The following TCF7L2 variants were observed in gnomAD, a reference collection of about 807,000 sequenced individuals.
The protein encoded by TCF7L2 is transcription factor 7-like 2.
Under a neutral mutation model 77.9 loss-of-function variants are expected in TCF7L2, and 23 were observed. The ratio of observed to expected loss-of-function variants is 0.30; its 90% CI spans 0.21 to 0.42. TCF7L2 has a LOEUF of 0.42. Ranked by LOEUF, TCF7L2 falls within the 10% of genes least tolerant of loss-of-function variation. The probability of loss-of-function intolerance (pLI) is 1.00; values close to 1 mark genes in which losing one functional copy is unlikely to be tolerated. For missense variants in TCF7L2, 654 were observed against 793.1 expected (o/e 0.82, Z 2.11); for synonymous variants, 413 against 340.2 (o/e 1.21, Z -2.36).
chr10:113,003,182 T>C (rs1195289141), intron 4 of TCF7L2, among the ~76,000 whole-genome samples: 2 of 152,202 alleles, frequency 1.3e-5, no homozygotes, highest in Non-Finnish European at 2.9e-5. Context: ...GTCGGCCTTC[T>C]CCAATAAGGG....
At chr10:113,112,430 G>C (rs777624588) in intron 5 of TCF7L2, among the ~76,000 whole-genome samples, 3 of 152,194 alleles carry the variant, frequency 2.0e-5, no homozygotes, top group African/African-American at 4.8e-5. Context: ...ATCACCACCC[G>C]GCTAGCGACT....
intron 5 of TCF7L2, among the ~76,000 whole-genome samples, chr10:113,071,292 G>A (rs919080827): frequency 6.6e-6 from 1 of 152,176 alleles, no homozygotes; most frequent in Non-Finnish European, 1.5e-5. Context: ...TTCAGATGGA[G>A]TGCTTCCTCC....
intron 5 of TCF7L2, chr10:113,126,692 T>C: frequency 1.0e-6 from 1 of 985,492 alleles, no homozygotes; most frequent in Non-Finnish European, 1.2e-6. Context: ...GTGAGCATCT[T>C]GTCTGGCGGC....
rs547073815 is a variant in TCF7L2 at position 113,071,017 on chromosome 10, C to T, written c.552+30891C>T. Among the ~76,000 whole-genome samples the T allele has an allele frequency of 3.9e-4, 59 of 152,268 alleles. No individual in the cohort carries two copies. The Middle Eastern group carries it at 0.01, about 26-fold the overall frequency. ...ATGGATTTGCCTATTCTGGACATTTCATATAGATGAAATCATAGGCCCGTG... is the reference window on the plus strand; with the variant it reads ...ATGGATTTGCCTATTCTGGACATTTTATATAGATGAAATCATAGGCCCGTG... On this transcript the variant is annotated intron_variant, in intron 5 of 13. Coordinates refer to ENST00000627217, the MANE Select transcript of TCF7L2 (RefSeq NM_001146274.2).
intron 5 of TCF7L2, among the ~76,000 whole-genome samples, chr10:113,134,110 A>G (rs1182713950): frequency 6.6e-6 from 1 of 152,250 alleles, no homozygotes; most frequent in Admixed American, 6.5e-5. Context: ...AGTCTTGTCC[A>G]GGGAAACAAT....
chr10:113,142,575 G>T (rs191883783), intron 6 of TCF7L2, among the ~76,000 whole-genome samples: 41 of 152,304 alleles, frequency 2.7e-4, no homozygotes, highest in African/African-American at 9.6e-4. Flanking sequence ...TAGTGTTGGG[G>T]TAGGTAGGCT....
intron 4 of TCF7L2, among the ~76,000 whole-genome samples, chr10:113,005,991 A>G (rs1218525070): frequency 6.6e-6 from 1 of 151,790 alleles, no homozygotes; most frequent in Non-Finnish European, 1.5e-5. Context: ...GAACATTCCA[A>G]TAGGAATGTT....
chr10:113,016,781 A>G (rs2047406679), intron 4 of TCF7L2, among the ~76,000 whole-genome samples: 1 of 151,864 alleles, frequency 6.6e-6, no homozygotes, highest in Non-Finnish European at 1.5e-5. Flanking sequence ...CCTTAGTAGC[A>G]TGATGGGCAC....
chr10:113,014,257 C>T (rs1208621661), intron 4 of TCF7L2, among the ~76,000 whole-genome samples: 1 of 152,202 alleles, frequency 6.6e-6, no homozygotes, highest in African/African-American at 2.4e-5. Context: ...GACCCAGTAA[C>T]TATAAAGCCC....
At chr10:113,117,404 TC>T (rs1591911665) in intron 5 of TCF7L2, among the ~76,000 whole-genome samples, 3 of 50,570 alleles carry the variant, frequency 5.9e-5, no homozygotes, top group East Asian at 4.0e-4. Flanking sequence ...TCTCTCTCTC[TC>T]TCTCTCTCTC....
At chr10:113,097,287 G>C (rs1215301779) in intron 5 of TCF7L2, among the ~76,000 whole-genome samples, 2 of 152,234 alleles carry the variant, frequency 1.3e-5, no homozygotes, top group East Asian at 3.9e-4. Context: ...ACCAACCAGG[G>C]GGAAGTCCTG....
chr10:112,988,019 A>G (rs1257889463), intron 4 of TCF7L2, among the ~76,000 whole-genome samples: 4 of 147,536 alleles, frequency 2.7e-5, no homozygotes, highest in Non-Finnish European at 1.5e-5. Context: ...ATACAGCAAC[A>G]TATCCCTGCC....
chr10:113,133,904 G>A (rs893868834), intron 5 of TCF7L2, among the ~76,000 whole-genome samples: 1 of 152,206 alleles, frequency 6.6e-6, no homozygotes, highest in East Asian at 1.9e-4. Context: ...GCCTGCGGGG[G>A]TAGGTTCTGC....
At chr10:112,952,011 CCTCT>C (rs138659283) in intron 3 of TCF7L2, 14 of 152,564 alleles carry the variant, frequency 9.2e-5, no homozygotes, top group African/African-American at 3.4e-4. Flanking sequence ...GCTCTCTCTC[CCTCT>C]CTCTCCTTCT....
At chr10:113,111,283 A>T (rs955845544) in intron 5 of TCF7L2, among the ~76,000 whole-genome samples, 8 of 152,194 alleles carry the variant, frequency 5.3e-5, no homozygotes, top group African/African-American at 1.7e-4. Context: ...CCCTCTCTAG[A>T]TTATTAATTC....
chr10:112,972,004 T>C (rs891731364), intron 4 of TCF7L2, among the ~76,000 whole-genome samples: 2 of 151,980 alleles, frequency 1.3e-5, no homozygotes, highest in African/African-American at 2.4e-5. Flanking sequence ...CACTGCAACC[T>C]CTGCCTCCTG....
At chr10:113,115,347 A>C (rs1475298928) in intron 5 of TCF7L2, among the ~76,000 whole-genome samples, 2 of 152,232 alleles carry the variant, frequency 1.3e-5, no homozygotes, top group Non-Finnish European at 2.9e-5. Flanking sequence ...TACCAAATAT[A>C]CATTTTGAAA....
chr10:112,995,230 G>A (rs1307202488), intron 4 of TCF7L2, among the ~76,000 whole-genome samples: 1 of 152,250 alleles, frequency 6.6e-6, no homozygotes, highest in Admixed American at 6.5e-5. Context: ...ACTTTGGGAT[G>A]ATTGACTTGG....
At position 113,151,733 on chromosome 10, in the gene TCF7L2, A is replaced by G. The variant is rs2137151745; in HGVS notation, c.1010A>G (p.Gln337Arg). The change falls in exon 10 of 14, where the codon CAG becomes CGG. Residue 337 changes from glutamine (Q) to arginine (R), a missense_variant. By Grantham distance (43) the Gln-to-Arg change is conservative. This residue lies in a region of TCF7L2 where 179 missense variants were observed against 270.6 expected (regional missense o/e 0.66). Transcript: ENST00000627217. This position sits in a 1 kb window ranked among gnomAD's most constrained non-coding sequence, Gnocchi z 5.2. Reference sequence around the variant, plus strand: ...GTTTTGTCTATCTCCAGAAAGCATCAGGACTCCAAAAAGGAAGAAGAAAAG... The same window carrying G: ...GTTTTGTCTATCTCCAGAAAGCATCGGGACTCCAAAAAGGAAGAAGAAAAG... The G allele has an allele frequency of 6.3e-7, 1 of 1,597,382 alleles. No individual in the cohort carries two copies. Among genetic ancestry groups the G allele is most frequent in the Non-Finnish European group, 8.5e-7 (1 of 1,175,340 alleles).
Sources: allele counts gnomAD v4.1 joint callset (sites outside exome capture counted in the v4.1 genomes callset), GRCh38; gene constraint gnomAD v4.1.1; regional missense constraint gnomAD v4.1.1; non-coding constraint Gnocchi (gnomAD v3.1); transcripts MANE v1.5; gene names NCBI Gene and HGNC (gene_info 2026-07-23, HGNC 2026-07-21).